Variants in IK observed in about 807,000 individuals in gnomAD.
IK encodes the protein protein Red.
A neutral mutation model predicts 90.9 loss-of-function variants in IK; 47 were observed. That is an observed-to-expected ratio of 0.52 (90% CI 0.41 to 0.66). The LOEUF (loss-of-function observed/expected upper bound fraction) is 0.66, where lower values mean the gene tolerates loss of function less well. Among genes scored for constraint, IK ranks in the 30% least tolerant of loss-of-function variants. The probability of loss-of-function intolerance (pLI) is 0.00; values close to 1 mark genes in which losing one functional copy is unlikely to be tolerated. For synonymous variants in IK, 201 were observed against 227.5 expected, an observed-to-expected ratio of 0.88 and a Z score of 1.05; for missense variants, 385 against 709.3, an observed-to-expected ratio of 0.54 and a Z score of 5.19.
intron 8 of IK, among the ~76,000 whole-genome samples, chr5:140,655,262 G>A (rs966008747): frequency 1.3e-5 from 2 of 152,134 alleles, no homozygotes; most frequent in African/African-American, 4.8e-5. Flanking sequence ...TTCAAAACTT[G>A]GAGTCAGAGA....
rs1202825085 is a variant in IK at position 140,654,473 on chromosome 5, A to G, written c.520-43A>G. On this transcript the variant is annotated intron_variant, in intron 6 of 19. Coordinates refer to ENST00000417647, the MANE Select transcript of IK (RefSeq NM_006083.4). ...GTGTGGTGTAGTGGATGTTCAATAAATATATAAAATGAGTGTCCTAACCCT... is the reference window on the plus strand; with the variant it reads ...GTGTGGTGTAGTGGATGTTCAATAAGTATATAAAATGAGTGTCCTAACCCT... 1.4e-6 allele frequency: 2 copies of G among 1,462,204 alleles called. 1 individual carries two copies. Among genetic ancestry groups the G allele is most frequent in the Non-Finnish European group, 1.9e-6 (2 of 1,066,834 alleles). 90.6% of individuals were successfully genotyped at this position (1,462,204 alleles called of 1,614,324 possible). A position where few individuals can be genotyped will look rare whatever the true frequency, so the allele number is the denominator to read the frequency against.
rs193113112 is a variant in IK at position 140,649,886 on chromosome 5, C to T, written c.83+1349C>T. The stretch of plus-strand genomic sequence containing the variant: ...CACATACATGCATATCTGAGGAAAA[C>T]ACAACATTGCTTTGTGATTTAAAAT... On this transcript the variant is annotated intron_variant, in intron 2 of 19. Coordinates refer to ENST00000417647, the MANE Select transcript of IK (RefSeq NM_006083.4). Among the ~76,000 whole-genome samples, 278 of 152,320 alleles carry T rather than the reference C, an allele frequency of 1.8e-3. 1 individual carries two copies. The highest frequency in any genetic ancestry group is 3.7e-3 in the Non-Finnish European group (251 of 68,028).
At chr5:140,654,634 A>G (rs930591953) in intron 7 of IK, 47 bp from the exon 8 acceptor site, 64 of 1,582,572 alleles carry the variant, frequency 4.0e-5, no homozygotes, top group Non-Finnish European at 5.2e-5. Flanking sequence ...GGTGGGACCT[A>G]AAGTTAGAGC....
chr5:140,649,769 A>G (rs1299618034), intron 2 of IK, among the ~76,000 whole-genome samples: 5 of 148,836 alleles, frequency 3.4e-5, no homozygotes, highest in African/African-American at 1.2e-4. Context: ...CTGACCTCAA[A>G]TGATCTGCCC....
At chr5:140,655,779 C>G in intron 8 of IK, 50 bp from the exon 9 acceptor site, 3 of 1,575,108 alleles carry the variant, frequency 1.9e-6, no homozygotes, top group Non-Finnish European at 2.6e-6. Flanking sequence ...ACATAAGTGA[C>G]AGCTGTTCTT....
At position 140,660,292 on chromosome 5, in the gene IK, C is replaced by CTTTTT. The variant is rs200714869; in HGVS notation, c.1355+115_1355+119dup. ...GATTCGCTAAGTCCCAGGGCTACTT[C>CTTTTT]TTTTTTTTTTTTTTTTTTTTTTGGA... is the stretch of plus-strand genomic sequence containing the variant. On this transcript the variant is annotated intron_variant, in intron 15 of 19. Transcript: ENST00000417647. The CTTTTT allele has an allele frequency of 4.6e-4, 130 of 283,098 alleles. 4 individuals are homozygous for CTTTTT. The highest frequency in any genetic ancestry group is 2.4e-3 in the African/African-American group (46 of 19,466). The allele number at this position is 283,098 out of a possible 1,614,324, so 17.5% of individuals were successfully genotyped here. A position where few individuals can be genotyped will look rare whatever the true frequency, so the allele number is the denominator to read the frequency against.
rs771747141 is a variant in IK at position 140,653,161 on chromosome 5, C to A, written c.404+17C>A. On this transcript the variant is annotated intron_variant, in intron 5 of 19. Transcript: ENST00000417647. ...TGCTGAGGCGTGAGTACTGAGGGAA[C>A]AGGGCATGGTTCCCTCAGCATCCGA... 1 of 1,608,248 alleles carries A rather than the reference C, an allele frequency of 6.2e-7. No individual in the cohort carries two copies. The highest frequency in any genetic ancestry group is 8.5e-7 in the Non-Finnish European group (1 of 1,175,724).
At position 140,661,796 on chromosome 5, in the gene IK, G is replaced by T. The variant is rs58296082; in HGVS notation, c.1502+88G>T. ...CATATAAGGTTAGAGGGTGTGGTCT[G>T]GCTGAGATGTTCCCCACTAAGTTCT... On this transcript the variant is annotated intron_variant, in intron 17 of 19. Coordinates refer to ENST00000417647, the MANE Select transcript of IK (RefSeq NM_006083.4). The surrounding 1 kb of genome is among the most constrained non-coding windows in gnomAD (Gnocchi z 4.2). 1 of 1,404,282 alleles carries T rather than the reference G, an allele frequency of 7.1e-7. No individual in the cohort carries two copies. Among genetic ancestry groups the T allele is most frequent in the Non-Finnish European group, 9.9e-7 (1 of 1,011,364 alleles). The allele number at this position is 1,404,282 out of a possible 1,614,324, so 87.0% of individuals were successfully genotyped here. A position where few individuals can be genotyped will look rare whatever the true frequency, so the allele number is the denominator to read the frequency against.
chr5:140,657,613 A>G lies in IK; in HGVS notation c.861A>G (p.Ser287=), dbSNP rs764840216. The G allele has an allele frequency of 1.4e-5, 23 of 1,613,636 alleles. No homozygotes were observed. The Admixed American group carries it at 3.8e-4, about 27-fold the overall frequency. The change falls in exon 10 of 20, where the codon TCA becomes TCG. Residue 287 remains serine, a synonymous_variant. Coordinates refer to ENST00000417647, the MANE Select transcript of IK (RefSeq NM_006083.4). ...IVISKLTQIL[S]YLRQGTRNKK... is the part of the protein sequence containing the mutation. ...TTAGCAAGCTGACCCAGATCCTTTC[A>G]TACCTGAGGCAGGGAACCCGTAACA...
chr5:140,653,258 A>G, intron 5 of IK, 114 bp downstream of exon 5: 1 of 781,754 alleles, frequency 1.3e-6, no homozygotes, highest in East Asian at 2.8e-5. Flanking sequence ...GCGATTTCAG[A>G]GGCATTTGCC....
At chr5:140,655,019 T>C (rs552447749) in intron 8 of IK, among the ~76,000 whole-genome samples, 54 of 152,164 alleles carry the variant, frequency 3.5e-4, no homozygotes, top group African/African-American at 1.1e-3. Flanking sequence ...CTCTGTGTAT[T>C]GCCCAGGCCG....
chr5:140,656,019 A>G, intron 9 of IK, 27 bp downstream of exon 9: 1 of 1,549,682 alleles, frequency 6.5e-7, no homozygotes, highest in Non-Finnish European at 8.7e-7. Flanking sequence ...CTGAGAGCCT[A>G]TCATGTGAGC....
At chr5:140,657,759 G>A in intron 10 of IK, 97 bp downstream of exon 10, 2 of 758,786 alleles carry the variant, frequency 2.6e-6, no homozygotes, top group East Asian at 5.0e-5. Flanking sequence ...AATATTGAGA[G>A]GCTCCTGGGA....
intron 2 of IK, among the ~76,000 whole-genome samples, chr5:140,650,846 G>A (rs549194156): frequency 3.4e-4 from 51 of 151,998 alleles, no homozygotes; most frequent in Non-Finnish European, 6.5e-4. Context: ...CCCAAAGTGC[G>A]GCGATTATAG....
At chr5:140,656,719 G>C (rs1431364170) in intron 9 of IK, among the ~76,000 whole-genome samples, 1 of 152,122 alleles carries the variant, frequency 6.6e-6, no homozygotes, top group African/African-American at 2.4e-5. Context: ...ATCACATCAT[G>C]GAAAATGGGG....
At position 140,653,529 on chromosome 5, in the gene IK, C is replaced by T. The variant is rs113907337; in HGVS notation, c.404+385C>T. ...TCTCGATCTGACCTCATGATCCACC[C>T]GCCTCGGCCTGCTGAAGTGCTGGGA... is the stretch of plus-strand genomic sequence containing the variant. On this transcript the variant is annotated intron_variant, in intron 5 of 19. Transcript: ENST00000417647. Among the ~76,000 whole-genome samples, 1,206 of 151,302 alleles carry T rather than the reference C, an allele frequency of 8.0e-3. 17 individuals are homozygous for T. The highest frequency in any genetic ancestry group is 0.028 in the African/African-American group (1,149 of 41,228).
chr5:140,656,075 C>T (rs1189187283), intron 9 of IK, 83 bp downstream of exon 9: 20 of 1,303,790 alleles, frequency 1.5e-5, no homozygotes, highest in Non-Finnish European at 1.9e-5. Flanking sequence ...GTCCCTTGTC[C>T]ACCATGTCAC....
Position 140,654,688 on chromosome 5 carries a change from GA to G in IK, c.599del (p.Glu200GlyfsTer42). ...ACTTTTTTGTCTTTTCAGGAAAGATGAGGATCCTGAAAATAAAATTGAATTT... is the reference window on the plus strand; with the variant it reads ...ACTTTTTTGTCTTTTCAGGAAAGATGGGATCCTGAAAATAAAATTGAATTT... ...EKPQKETKKD[E>X]DPENKIEFKT... On this transcript the variant is annotated frameshift_variant, in exon 8 of 20. Transcript: ENST00000417647. LOFTEE classifies it high-confidence loss of function. The G allele has an allele frequency of 2.5e-6, 4 of 1,603,362 alleles. No homozygotes were observed. Among genetic ancestry groups the G allele is most frequent in the Non-Finnish European group, 3.4e-6 (4 of 1,172,620 alleles).
At chr5:140,648,215 G>C (rs1385105936) in intron 1 of IK, 2 of 703,950 alleles carry the variant, frequency 2.8e-6, no homozygotes, top group East Asian at 2.7e-5. Flanking sequence ...CCTGGGTTGC[G>C]CGTATTTATC....
Sources: gnomAD v4.1 joint callset for allele counts (sites outside exome capture counted in the v4.1 genomes callset) on GRCh38, gnomAD v4.1.1 for gene constraint, Gnocchi (gnomAD v3.1) non-coding constraint, MANE v1.5 for transcripts, NCBI Gene and HGNC (gene_info 2026-07-23, HGNC 2026-07-21) for gene names.